The following ZNF804B variants were observed in gnomAD, a reference collection of about 807,000 sequenced individuals.
ZNF804B encodes the protein zinc finger protein 804B.
In ZNF804B, 80 loss-of-function variants were observed where a neutral mutation model predicts 101.4. That is an observed-to-expected ratio of 0.79 (90% confidence interval 0.66 to 0.95). The LOEUF (loss-of-function observed/expected upper bound fraction) is 0.95, where lower values mean the gene tolerates loss of function less well. Among genes scored for constraint, ZNF804B ranks in the 40% least tolerant of loss-of-function variants. ZNF804B has a pLI of 0.00. For missense variants in ZNF804B, 1,673 were observed against 1,561.9 expected (o/e 1.07, Z -1.20); for synonymous variants, 622 against 558.8 (o/e 1.11, Z -1.59).
chr7:89,217,717 G>A (rs1788918806), intron 1 of ZNF804B, among the ~76,000 whole-genome samples: 1 of 152,180 alleles, frequency 6.6e-6, no homozygotes. Context: ...GATACATCAG[G>A]CTCTATCTAT....
At position 89,314,955 on chromosome 7, in the gene ZNF804B, G is replaced by T. The variant is rs114578502; in HGVS notation, c.250-12389G>T. On this transcript the variant is annotated intron_variant, in intron 2 of 3. Coordinates refer to ENST00000333190, the MANE Select transcript of ZNF804B (RefSeq NM_181646.5). ...CCTACTGGTGAACAGGTGTGTATTA[G>T]TCCATCTTGCATTGCTATAAAGAAA... Among the ~76,000 whole-genome samples the T allele has an allele frequency of 2.9e-3, 434 of 152,218 alleles. 3 individuals are homozygous for T. The highest frequency in any genetic ancestry group is 0.01 in the African/African-American group (417 of 41,526).
Position 88,760,053 on chromosome 7 carries a change from G to C in ZNF804B, c.77G>C (p.Gly26Ala). The change falls in exon 1 of 4, where the codon GGA (glycine) becomes GCA (alanine). Residue 26 changes from glycine (G) to alanine (A), a missense_variant. Gly to Ala is a moderately conservative substitution (Grantham distance 60). Coordinates refer to ENST00000333190, the MANE Select transcript of ZNF804B (RefSeq NM_181646.5). ...HYRGIKGVFR[G>A]PLCKNGSPSP... ...CGGGGCATTAAAGGAGTCTTCAGGG[G>C]ACCCCTGTGCAAGAACGGATCTCCC... 1 of 1,614,224 alleles carries C rather than the reference G, an allele frequency of 6.2e-7. No individual in the cohort carries two copies. Among genetic ancestry groups the C allele is most frequent in the South Asian group, 1.1e-5 (1 of 91,084 alleles).
chr7:89,022,724 G>A (rs1788686506), intron 1 of ZNF804B, among the ~76,000 whole-genome samples: 1 of 152,104 alleles, frequency 6.6e-6, no homozygotes, highest in Non-Finnish European at 1.5e-5. Context: ...CTTAACTGTT[G>A]TTAACATCTA....
intron 2 of ZNF804B, among the ~76,000 whole-genome samples, chr7:89,293,824 A>G (rs1790337642): frequency 6.6e-6 from 1 of 152,154 alleles, no homozygotes; most frequent in South Asian, 2.1e-4. Context: ...GCAGAAATGG[A>G]AACATGAGAA....
chr7:88,951,530 T>C (rs1272232000), intron 1 of ZNF804B, among the ~76,000 whole-genome samples: 1 of 151,954 alleles, frequency 6.6e-6, no homozygotes, highest in Non-Finnish European at 1.5e-5. Flanking sequence ...ATAGCAATAA[T>C]ATATTTTATT....
chr7:88,955,990 C>G (rs1468976163), intron 1 of ZNF804B, among the ~76,000 whole-genome samples: 4 of 151,528 alleles, frequency 2.6e-5, no homozygotes, highest in Non-Finnish European at 5.9e-5. Flanking sequence ...AAAAGATGAG[C>G]AACATCATAC....
intron 2 of ZNF804B, among the ~76,000 whole-genome samples, chr7:89,299,852 C>G (rs1790448915): frequency 6.6e-6 from 1 of 151,948 alleles, no homozygotes. Context: ...AATAGAACTA[C>G]TTGTTTAATT....
At chr7:88,924,575 T>G (rs1449866403) in intron 1 of ZNF804B, among the ~76,000 whole-genome samples, 1 of 152,156 alleles carries the variant, frequency 6.6e-6, no homozygotes, top group Non-Finnish European at 1.5e-5. Flanking sequence ...GCTACTCTGA[T>G]TTCCTGACTT....
intron 1 of ZNF804B, among the ~76,000 whole-genome samples, chr7:89,124,238 C>CT (rs76687744): frequency 0.3 from 45,365 of 151,980 alleles, 7,308 homozygotes; most frequent in East Asian, 0.59. Flanking sequence ...CTATTCTTAT[C>CT]TTGAAAAAGA....
intron 1 of ZNF804B, among the ~76,000 whole-genome samples, chr7:89,205,060 T>C (rs1189979806): frequency 1.3e-5 from 2 of 152,132 alleles, no homozygotes; most frequent in Admixed American, 1.3e-4. Context: ...ATGTCTTACA[T>C]GGCAGCAGGC....
At chr7:88,865,449 T>G (rs1171309257) in intron 1 of ZNF804B, among the ~76,000 whole-genome samples, 1 of 152,084 alleles carries the variant, frequency 6.6e-6, no homozygotes, top group African/African-American at 2.4e-5. Context: ...GGAGAAATGC[T>G]TGAGCCCAAG....
rs1583948030 is a variant in ZNF804B, at chr7:88,806,316, T to C, written c.108+46232T>C. Among the ~76,000 whole-genome samples, 4 of 152,286 alleles carry C rather than the reference T, an allele frequency of 2.6e-5. No individual in the cohort carries two copies. The South Asian group carries it at 8.3e-4, about 32-fold the overall frequency. ...CTCTTTTAGCTATACAACTTGAGTATAGATTGCAGTTGCTGTGATTATATT... is the reference window on the plus strand; with the variant it reads ...CTCTTTTAGCTATACAACTTGAGTACAGATTGCAGTTGCTGTGATTATATT... On this transcript the variant is annotated intron_variant, in intron 1 of 3. Transcript: ENST00000333190.
rs901707055 is a variant in ZNF804B, at chr7:89,099,941, T to C, written c.109-118214T>C. 4.6e-5 allele frequency among the ~76,000 whole-genome samples: 7 copies of C among 152,230 alleles called. No homozygotes were observed. In the East Asian group the frequency reaches 1.4e-3, roughly 29 times the overall value. ...TGATCTTGGAGAGGCTTCAATCTTTTAGGTATTGGGTCATATGGCTCATCT... is the reference window on the plus strand; with the variant it reads ...TGATCTTGGAGAGGCTTCAATCTTTCAGGTATTGGGTCATATGGCTCATCT... On this transcript the variant is annotated intron_variant, in intron 1 of 3. Coordinates refer to ENST00000333190, the MANE Select transcript of ZNF804B (RefSeq NM_181646.5).
At chr7:89,113,203 T>C (rs914597345) in intron 1 of ZNF804B, among the ~76,000 whole-genome samples, 3 of 152,126 alleles carry the variant, frequency 2.0e-5, no homozygotes, top group Non-Finnish European at 4.4e-5. Flanking sequence ...CATGAGAAAA[T>C]GATTCCAAAA....
At position 88,890,980 on chromosome 7, in the gene ZNF804B, CTGTTTTGTTT is replaced by C. The variant is rs140072587; in HGVS notation, c.108+130913_108+130922del. On this transcript the variant is annotated intron_variant, in intron 1 of 3. Coordinates refer to ENST00000333190, the MANE Select transcript of ZNF804B (RefSeq NM_181646.5). Reference sequence around the variant, plus strand: ...CTCATCAACTGACATACGTATTTATCTGTTTTGTTTTGTTTTGTTTTGTTTTATCCTCCTC... The same window carrying C: ...CTCATCAACTGACATACGTATTTATCTGTTTTGTTTTGTTTTATCCTCCTC... Among the ~76,000 whole-genome samples, 179 of 151,960 alleles carry C rather than the reference CTGTTTTGTTT, an allele frequency of 1.2e-3. 2 individuals carry two copies. The highest frequency in any genetic ancestry group is 3.9e-3 in the African/African-American group (161 of 41,502).
intron 1 of ZNF804B, among the ~76,000 whole-genome samples, chr7:88,858,835 C>A (rs779285706): frequency 6.6e-6 from 1 of 152,034 alleles, no homozygotes; most frequent in Non-Finnish European, 1.5e-5. Flanking sequence ...ACAGCGGCAA[C>A]AACTGTGAAC....
intron 1 of ZNF804B, among the ~76,000 whole-genome samples, chr7:88,819,725 A>C (rs907524981): frequency 6.6e-6 from 1 of 152,220 alleles, no homozygotes; most frequent in African/African-American, 2.4e-5. Context: ...ATGAATTGCT[A>C]GGTAGAAAGT....
intron 1 of ZNF804B, among the ~76,000 whole-genome samples, chr7:89,098,516 C>G (rs1262817946): frequency 6.6e-6 from 1 of 152,116 alleles, no homozygotes; most frequent in Non-Finnish European, 1.5e-5. Flanking sequence ...TCGTGATCCT[C>G]CCACTTCAGC....
chr7:89,273,934 T>C (rs1316596075), intron 2 of ZNF804B, among the ~76,000 whole-genome samples: 1 of 149,976 alleles, frequency 6.7e-6, no homozygotes, highest in Non-Finnish European at 1.5e-5. Context: ...GAGATTTTTT[T>C]CTTTTTCTCA....
Sources: allele counts gnomAD v4.1 joint callset (sites outside exome capture counted in the v4.1 genomes callset), GRCh38; gene constraint gnomAD v4.1.1; transcripts MANE v1.5; gene names NCBI Gene and HGNC (gene_info 2026-07-23, HGNC 2026-07-21).